Variants in RYR2 observed in about 807,000 individuals in gnomAD.
The protein encoded by RYR2 is cardiac muscle ryanodine receptor-calcium release channel.
A neutral mutation model predicts 601.1 loss-of-function variants in RYR2; 227 were observed. The ratio of observed to expected loss-of-function variants is 0.38; its 90% CI spans 0.34 to 0.42. The LOEUF (loss-of-function observed/expected upper bound fraction) is 0.42, where lower values mean the gene tolerates loss of function less well. RYR2 is among the 10% of genes least tolerant of loss of function. The pLI is 1.00. For synonymous variants in RYR2, 2,223 were observed against 2,175.1 expected, an observed-to-expected ratio of 1.02 and a Z score of -0.61; for missense variants, 4,646 against 6,156.5, an observed-to-expected ratio of 0.75 and a Z score of 8.21.
Position 237,107,519 on chromosome 1 carries a change from C to CAA in RYR2, c.48+64966_48+64967dup, listed in dbSNP as rs71561857. Among the ~76,000 whole-genome samples the CAA allele has an allele frequency of 2.1e-4, 8 of 38,900 alleles. 1 individual carries two copies. Among genetic ancestry groups the CAA allele is most frequent in the Admixed American group, 1.6e-3 (3 of 1,872 alleles). 25.5% of individuals were successfully genotyped at this position (38,900 alleles called of 152,430 possible). On this transcript the variant is annotated intron_variant, in intron 1 of 104. Coordinates refer to ENST00000366574, the MANE Select transcript of RYR2 (RefSeq NM_001035.3). Reference sequence around the variant, plus strand: ...TGGGAGACAGAGTGAGACTCCATCTCAAAAAAAAAAAAAAAAAGGAAACAT... The same window carrying CAA: ...TGGGAGACAGAGTGAGACTCCATCTCAAAAAAAAAAAAAAAAAAAGGAAACAT...
intron 10 of RYR2, among the ~76,000 whole-genome samples, chr1:237,392,261 A>C (rs901174660): frequency 4.6e-5 from 7 of 152,122 alleles, no homozygotes; most frequent in Non-Finnish European, 7.4e-5. Flanking sequence ...GCTTTTGCAC[A>C]ACAGGGTAAC....
At position 237,088,710 on chromosome 1, in the gene RYR2, T is replaced by C. The variant is rs1000048138; in HGVS notation, c.48+46141T>C. On this transcript the variant is annotated intron_variant, in intron 1 of 104. Transcript: ENST00000366574. Reference sequence around the variant, plus strand: ...GTTGTAGAAAATATTCGAGGGGTAATGTTAAGTTTTCTACCTACAAAATAC... The same window carrying C: ...GTTGTAGAAAATATTCGAGGGGTAACGTTAAGTTTTCTACCTACAAAATAC... Among the ~76,000 whole-genome samples the C allele has an allele frequency of 5.3e-5, 8 of 152,210 alleles. No homozygotes were observed. In the East Asian group the frequency reaches 9.6e-4, roughly 18 times the overall value.
At chr1:237,827,936 C>CAA (rs58421624) in intron 101 of RYR2, among the ~76,000 whole-genome samples, 64 of 69,310 alleles carry the variant, frequency 9.2e-4, no homozygotes, top group Non-Finnish European at 1.2e-3. Context: ...GACTCCGTCT[C>CAA]AAAAAAAAAA....
intron 1 of RYR2, among the ~76,000 whole-genome samples, chr1:237,117,378 CAG>C: frequency 6.6e-6 from 1 of 152,138 alleles, no homozygotes; most frequent in South Asian, 2.1e-4. Context: ...GGTTTATAAA[CAG>C]AGGAAAATGT....
Position 237,610,946 on chromosome 1 carries a change from A to T in RYR2, c.4868A>T (p.Asp1623Val), listed in dbSNP as rs1421802252. 1.9e-6 allele frequency: 3 copies of T among 1,613,322 alleles called. No individual in the cohort carries two copies. The highest frequency in any genetic ancestry group is 2.5e-6 in the Non-Finnish European group (3 of 1,179,670). ...CAAGGCTGGTTGGTGCAGTGTTTGG[A>T]TCCTCTGCAGTTCATGTCTCTTCAT... ...ERQGWLVQCL[D>V]PLQFMSLHIP... The change falls in exon 36 of 105, where the codon GAT (aspartate) becomes GTT (valine). Residue 1623 changes from aspartate to valine, a missense_variant. This residue lies in a region of RYR2 where 1,807 missense variants were observed against 2,088.1 expected (regional missense o/e 0.87). Coordinates refer to ENST00000366574, the MANE Select transcript of RYR2 (RefSeq NM_001035.3). The surrounding 1 kb of genome is among the most constrained non-coding windows in gnomAD (Gnocchi z 4.9).
intron 101 of RYR2, among the ~76,000 whole-genome samples, chr1:237,822,487 T>G (rs2819737): frequency 0.26 from 39,854 of 151,840 alleles, 5,654 homozygotes; most frequent in East Asian, 0.61. Flanking sequence ...GCTGAGAGAT[T>G]TTATCACCAC....
chr1:237,827,925 A>G, intron 101 of RYR2, among the ~76,000 whole-genome samples: 1 of 115,926 alleles, frequency 8.6e-6, no homozygotes. Context: ...TGACAGAATG[A>G]GACTCCGTCT....
intron 11 of RYR2, among the ~76,000 whole-genome samples, chr1:237,421,100 G>A (rs1177837892): frequency 1.3e-5 from 2 of 152,116 alleles, no homozygotes; most frequent in Admixed American, 6.5e-5. Context: ...TTAGCCGGGC[G>A]CGGTGGCTGG....
chr1:237,397,074 G>A (rs1334305092), intron 10 of RYR2, among the ~76,000 whole-genome samples: 2 of 151,990 alleles, frequency 1.3e-5, no homozygotes, highest in African/African-American at 4.8e-5. Flanking sequence ...AGACCAGCCT[G>A]GCCAACATGG....
At chr1:237,114,605 C>A (rs892232427) in intron 1 of RYR2, among the ~76,000 whole-genome samples, 1 of 152,204 alleles carries the variant, frequency 6.6e-6, no homozygotes. Context: ...TTTTAGAAAT[C>A]ATACTCTTGA....
intron 10 of RYR2, among the ~76,000 whole-genome samples, chr1:237,401,391 C>A (rs1379796503): frequency 6.6e-6 from 1 of 151,890 alleles, no homozygotes; most frequent in Admixed American, 6.5e-5. Context: ...GCGGTTCTGA[C>A]CAACTGGCTA....
intron 41 of RYR2, among the ~76,000 whole-genome samples, chr1:237,630,090 AT>A (rs1573215290): frequency 6.6e-6 from 1 of 152,172 alleles, no homozygotes; most frequent in East Asian, 1.9e-4. Context: ...TGGAGATCAT[AT>A]TCTTTCTTAA....
chr1:237,733,781 T>C (rs1297886635), intron 79 of RYR2, 25 bp downstream of exon 79: 4 of 1,477,916 alleles, frequency 2.7e-6, no homozygotes, highest in African/African-American at 1.4e-5. Flanking sequence ...TTCCTGATTT[T>C]CATGTTTAAT....
chr1:237,730,767 G>A (rs944368619), intron 77 of RYR2, among the ~76,000 whole-genome samples: 1 of 152,120 alleles, frequency 6.6e-6, no homozygotes, highest in Admixed American at 6.6e-5. Context: ...CAACAGGGCA[G>A]AGAATGATAG....
chr1:237,368,137 A>T (rs1700349853), intron 5 of RYR2, among the ~76,000 whole-genome samples: 1 of 152,186 alleles, frequency 6.6e-6, no homozygotes, highest in Non-Finnish European at 1.5e-5. Flanking sequence ...GGGAGAAAAA[A>T]ATCTGAGTAT....
At chr1:237,823,869 T>C (rs1574098118) in intron 101 of RYR2, among the ~76,000 whole-genome samples, 2 of 152,172 alleles carry the variant, frequency 1.3e-5, no homozygotes, top group South Asian at 2.1e-4. Context: ...CCCACAGATA[T>C]ACAAACTACC....
intron 48 of RYR2, among the ~76,000 whole-genome samples, chr1:237,648,180 C>T (rs931310272): frequency 2.0e-5 from 3 of 152,168 alleles, no homozygotes; most frequent in African/African-American, 4.8e-5. Flanking sequence ...GTTTGTTTCT[C>T]CTAAGTATCT....
chr1:237,170,748 T>C (rs1192229999), intron 1 of RYR2, among the ~76,000 whole-genome samples: 2 of 152,136 alleles, frequency 1.3e-5, no homozygotes, highest in East Asian at 1.9e-4. Context: ...AGCTATTGTG[T>C]TGTGGGGCTG....
chr1:237,738,493 A>G (rs1691335047), intron 79 of RYR2, among the ~76,000 whole-genome samples: 1 of 152,128 alleles, frequency 6.6e-6, no homozygotes, highest in Admixed American at 6.6e-5. Context: ...TGTGCTCAAG[A>G]TGCCCTTGCT....
Sources: gnomAD v4.1 joint callset for allele counts (sites outside exome capture counted in the v4.1 genomes callset) on GRCh38, gnomAD v4.1.1 for gene constraint, gnomAD v4.1.1 regional missense constraint, Gnocchi (gnomAD v3.1) non-coding constraint, MANE v1.5 for transcripts, NCBI Gene and HGNC (gene_info 2026-07-23, HGNC 2026-07-21) for gene names.